The following CLDN4 variants were observed in gnomAD, a reference collection of about 807,000 sequenced individuals.
CLDN4 encodes claudin-4.
CLDN4 carries 12 observed loss-of-function variants against 13.7 expected under a neutral mutation model. The ratio of observed to expected loss-of-function variants is 0.88; its 90% CI spans 0.56 to 1.42. The LOEUF (loss-of-function observed/expected upper bound fraction) is 1.42, where lower values mean the gene tolerates loss of function less well. Ranked by LOEUF, CLDN4 falls within the 40% of genes most tolerant of loss-of-function variation. The pLI, the probability that CLDN4 is intolerant of heterozygous loss-of-function variation, is 0.00. For missense variants in CLDN4, 252 were observed against 297.4 expected, an observed-to-expected ratio of 0.85 and a Z score of 1.12; for synonymous variants, 152 against 140.6, an observed-to-expected ratio of 1.08 and a Z score of -0.57.
In CLDN4 at chr7:73,831,646, A is replaced by T. The variant is rs368820080; in HGVS notation, c.445A>T (p.Asn149Tyr). The T allele has an allele frequency of 1.2e-6, 2 of 1,614,108 alleles. No individual in the cohort carries two copies. The highest frequency in any genetic ancestry group is 1.7e-6 in the Non-Finnish European group (2 of 1,179,982). The change falls in exon 1 of 1, where the codon AAT (asparagine) becomes TAT (tyrosine). Residue 149 changes from asparagine (N) to tyrosine (Y), a missense_variant. Physicochemically the swap from Asn to Tyr is moderately radical, Grantham distance 143. Transcript: ENST00000340958. The stretch of plus-strand genomic sequence containing the variant: ...CCACAACATCATCCAAGACTTCTAC[A>T]ATCCGCTGGTGGCCTCCGGGCAGAA... ...TAHNIIQDFYNPLVASGQKRE... is the reference protein window; with the variant it reads ...TAHNIIQDFYYPLVASGQKRE...
At position 73,832,141 on chromosome 7, in the gene CLDN4, T is replaced by G; in HGVS notation, c.*310T>G. On this transcript the variant is annotated 3_prime_UTR_variant, in exon 1 of 1. Coordinates refer to ENST00000340958, the MANE Select transcript of CLDN4 (RefSeq NM_001305.5). ...TCTGCTGGCCAGGATAGCTTAACCC[T>G]GACTTTGGGATCTGCCTGCATCGGC... 2.7e-6 allele frequency: 1 copy of G among 373,826 alleles called. No individual in the cohort carries two copies. Among genetic ancestry groups the G allele is most frequent in the Admixed American group, 4.3e-5 (1 of 23,418 alleles). The allele number at this position is 373,826 out of a possible 1,614,324, so 23.2% of individuals were successfully genotyped here. A position where few individuals can be genotyped will look rare whatever the true frequency, so the allele number is the denominator to read the frequency against.
In CLDN4 at chr7:73,832,003, C is replaced by T. The variant is rs1788043673; in HGVS notation, c.*172C>T. 3.6e-6 allele frequency: 3 copies of T among 823,700 alleles called. No individual in the cohort carries two copies. The highest frequency in any genetic ancestry group is 5.9e-5 in the Admixed American group (2 of 33,860). 51.0% of individuals were successfully genotyped at this position (823,700 alleles called of 1,614,324 possible). On this transcript the variant is annotated 3_prime_UTR_variant, in exon 1 of 1. Coordinates refer to ENST00000340958, the MANE Select transcript of CLDN4 (RefSeq NM_001305.5). Reference sequence around the variant, plus strand: ...AGCAGCCTTCAGCCTCTCTGGCCCACTCGGACAACTTCCCAAGGCCGCCTC... The same window carrying T: ...AGCAGCCTTCAGCCTCTCTGGCCCATTCGGACAACTTCCCAAGGCCGCCTC...
Position 73,831,945 on chromosome 7 carries a change from G to C in CLDN4, c.*114G>C. ...CGGGCCACTGGCTGCTGGGGACTGG[G>C]GACTGGGCAGAGACTGAGCCAGGCA... is the stretch of plus-strand genomic sequence containing the variant. On this transcript the variant is annotated 3_prime_UTR_variant, in exon 1 of 1. Transcript: ENST00000340958. 3.6e-6 allele frequency: 5 copies of C among 1,401,112 alleles called. No individual in the cohort carries two copies. Among genetic ancestry groups the C allele is most frequent in the Non-Finnish European group, 4.8e-6 (5 of 1,033,310 alleles). The allele number at this position is 1,401,112 out of a possible 1,614,324, so 86.8% of individuals were successfully genotyped here. A position where few individuals can be genotyped will look rare whatever the true frequency, so the allele number is the denominator to read the frequency against.
In CLDN4 at chr7:73,831,806, C is replaced by G. The variant is rs139833538; in HGVS notation, c.605C>G (p.Ser202Cys). Residue 202 changes from serine to cysteine, a missense_variant, in exon 1 of 1, where the codon TCT (serine) becomes TGT (cysteine). Coordinates refer to ENST00000340958, the MANE Select transcript of CLDN4 (RefSeq NM_001305.5). ...TCCGCCAAGTATTCTGCTGCCCGCT[C>G]TGCTGCTGCCAGCAACTACGTGTAA... ...PYSAKYSAAR[S>C]AAASNYV 2 of 1,573,498 alleles carry G rather than the reference C, an allele frequency of 1.3e-6. No individual in the cohort carries two copies.
At position 73,831,422 on chromosome 7, in the gene CLDN4, C is replaced by T. The variant is rs782390551; in HGVS notation, c.221C>T (p.Pro74Leu). Residue 74 changes from proline to leucine, a missense_variant, in exon 1 of 1, where the codon CCG (proline) becomes CTG (leucine). Coordinates refer to ENST00000340958, the MANE Select transcript of CLDN4 (RefSeq NM_001305.5). Reference sequence around the variant, plus strand: ...GTGTACGACTCGCTGCTGGCACTGCCGCAGGACCTGCAGGCGGCCCGCGCC... The same window carrying T: ...GTGTACGACTCGCTGCTGGCACTGCTGCAGGACCTGCAGGCGGCCCGCGCC... The part of the protein sequence containing the change: ...CKVYDSLLAL[P>L]QDLQAARALV... 5.1e-5 allele frequency: 82 copies of T among 1,614,024 alleles called. No individual in the cohort carries two copies. The highest frequency in any genetic ancestry group is 1.6e-4 in the Middle Eastern group (1 of 6,082).
Position 73,831,253 on chromosome 7 carries a change from T to C in CLDN4, c.52T>C (p.Trp18Arg). The C allele has an allele frequency of 6.2e-7, 1 of 1,603,714 alleles. No individual in the cohort carries two copies. The highest frequency in any genetic ancestry group is 8.5e-7 in the Non-Finnish European group (1 of 1,173,114). The change falls in exon 1 of 1, where the codon TGG becomes CGG. Residue 18 changes from tryptophan to arginine, a missense_variant. By Grantham distance (101) the Trp-to-Arg change is moderately radical. Coordinates refer to ENST00000340958, the MANE Select transcript of CLDN4 (RefSeq NM_001305.5). ...VMGIALAVLG[W>R]LAVMLCCALP... ...GGGCATCGCGCTGGCCGTCCTGGGCTGGCTGGCCGTCATGCTGTGCTGCGC... is the reference window on the plus strand; with the variant it reads ...GGGCATCGCGCTGGCCGTCCTGGGCCGGCTGGCCGTCATGCTGTGCTGCGC...
Position 73,831,278 on chromosome 7 carries a change from C to G in CLDN4, c.77C>G (p.Ala26Gly). 1 of 1,612,686 alleles carries G rather than the reference C, an allele frequency of 6.2e-7. No individual in the cohort carries two copies. The highest frequency in any genetic ancestry group is 8.5e-7 in the Non-Finnish European group (1 of 1,179,344). Residue 26 changes from alanine (A) to glycine (G), a missense_variant, in exon 1 of 1, where the codon GCG (alanine) becomes GGG (glycine). Physicochemically the swap from Ala to Gly is moderately conservative, Grantham distance 60. Transcript: ENST00000340958. ...LGWLAVMLCC[A>G]LPMWRVTAFI... ...TGGCTGGCCGTCATGCTGTGCTGCG[C>G]GCTGCCCATGTGGCGCGTGACGGCC... is the stretch of plus-strand genomic sequence containing the variant.
Position 73,831,231 on chromosome 7 carries a change from C to T in CLDN4, c.30C>T (p.Gly10=), listed in dbSNP as rs781844389. The T allele has an allele frequency of 1.3e-6, 2 of 1,587,752 alleles. No individual in the cohort carries two copies. The highest frequency in any genetic ancestry group is 1.7e-6 in the Non-Finnish European group (2 of 1,164,506). The change falls in exon 1 of 1, where the codon GGC becomes GGT. Residue 10 remains glycine, a synonymous_variant. Coordinates refer to ENST00000340958, the MANE Select transcript of CLDN4 (RefSeq NM_001305.5). ...CCTCCATGGGGCTACAGGTAATGGG[C>T]ATCGCGCTGGCCGTCCTGGGCTGGC... is the stretch of plus-strand genomic sequence containing the variant. MASMGLQVM[G]IALAVLGWLA...
rs556788551 is a variant in CLDN4, at chr7:73,831,055, G to A, written c.-147G>A. 61 of 956,854 alleles carry A rather than the reference G, an allele frequency of 6.4e-5. No individual in the cohort carries two copies. The East Asian group carries it at 7.3e-4, about 11-fold the overall frequency. 59.3% of individuals were successfully genotyped at this position (956,854 alleles called of 1,614,324 possible). On this transcript the variant is annotated 5_prime_UTR_variant, in exon 1 of 1. Coordinates refer to ENST00000340958, the MANE Select transcript of CLDN4 (RefSeq NM_001305.5). ...GGTCTGCTCACACTTGCTGGCTTGC[G>A]CATCAGGACTGGCTTTATCTCCTGA...
In CLDN4 at chr7:73,831,693, C is replaced by T. The variant is rs782411325; in HGVS notation, c.492C>T (p.Leu164=). The T allele has an allele frequency of 6.2e-7, 1 of 1,614,118 alleles. No homozygotes were observed. The highest frequency in any genetic ancestry group is 8.5e-7 in the Non-Finnish European group (1 of 1,180,012). The change falls in exon 1 of 1, where the codon CTC becomes CTT. Residue 164 remains leucine (L), a synonymous_variant. Transcript: ENST00000340958. ...SGQKREMGAS[L]YVGWAASGLL... is the part of the protein sequence containing the mutation. The stretch of plus-strand genomic sequence containing the variant: ...AGAAGCGGGAGATGGGTGCCTCGCT[C>T]TACGTCGGCTGGGCCGCCTCCGGCC...
rs371517967 is a variant in CLDN4 at position 73,831,674 on chromosome 7, G to A, written c.473G>A (p.Arg158Gln). The A allele has an allele frequency of 8.1e-6, 13 of 1,614,034 alleles. No individual in the cohort carries two copies. The highest frequency in any genetic ancestry group is 3.3e-5 in the Admixed American group (2 of 60,014). ...YNPLVASGQKREMGASLYVGW... is the reference protein window; with the variant it reads ...YNPLVASGQKQEMGASLYVGW... ...CCGCTGGTGGCCTCCGGGCAGAAGC[G>A]GGAGATGGGTGCCTCGCTCTACGTC... is the stretch of plus-strand genomic sequence containing the variant. The change falls in exon 1 of 1, where the codon CGG becomes CAG. Residue 158 changes from arginine to glutamine, a missense_variant. Transcript: ENST00000340958.
chr7:73,832,051 C>A lies in CLDN4; in HGVS notation c.*220C>A. On this transcript the variant is annotated 3_prime_UTR_variant, in exon 1 of 1. Transcript: ENST00000340958. ...CTCCTGCTAGCAAGAACAGAGTCCACCCTCCTCTGGATATTGGGGAGGGAC... is the reference window on the plus strand; with the variant it reads ...CTCCTGCTAGCAAGAACAGAGTCCAACCTCCTCTGGATATTGGGGAGGGAC... 1.8e-6 allele frequency: 1 copy of A among 551,210 alleles called. No individual in the cohort carries two copies. Among genetic ancestry groups the A allele is most frequent in the Non-Finnish European group, 3.2e-6 (1 of 312,532 alleles). 34.1% of individuals were successfully genotyped at this position (551,210 alleles called of 1,614,324 possible). A position where few individuals can be genotyped will look rare whatever the true frequency, so the allele number is the denominator to read the frequency against.
In CLDN4 at chr7:73,831,710, C is replaced by A; in HGVS notation, c.509C>A (p.Ala170Asp). ...GCCTCGCTCTACGTCGGCTGGGCCG[C>A]CTCCGGCCTGCTGCTCCTTGGCGGG... The part of the protein sequence containing the change: ...MGASLYVGWA[A>D]SGLLLLGGGL... The change falls in exon 1 of 1, where the codon GCC becomes GAC. Residue 170 changes from alanine (A) to aspartate (D), a missense_variant. Transcript: ENST00000340958. 1.2e-6 allele frequency: 2 copies of A among 1,613,964 alleles called. No individual in the cohort carries two copies. The highest frequency in any genetic ancestry group is 1.7e-6 in the Non-Finnish European group (2 of 1,179,936).
Position 73,831,150 on chromosome 7 carries a change from C to G in CLDN4, c.-52C>G, listed in dbSNP as rs782155001. ...AGCGCTTGGAATCCTACGGCCCCCA[C>G]AGCCGGATCCCCTCAGCCTTCCAGG... On this transcript the variant is annotated 5_prime_UTR_variant, in exon 1 of 1. Coordinates refer to ENST00000340958, the MANE Select transcript of CLDN4 (RefSeq NM_001305.5). 2 of 1,511,660 alleles carry G rather than the reference C, an allele frequency of 1.3e-6. No individual in the cohort carries two copies. Among genetic ancestry groups the G allele is most frequent in the Non-Finnish European group, 1.8e-6 (2 of 1,134,268 alleles). The allele number at this position is 1,511,660 out of a possible 1,614,324, so 93.6% of individuals were successfully genotyped here. A position where few individuals can be genotyped will look rare whatever the true frequency, so the allele number is the denominator to read the frequency against.
At position 73,831,418 on chromosome 7, in the gene CLDN4, C is replaced by T; in HGVS notation, c.217C>T (p.Leu73=). ...CAAGGTGTACGACTCGCTGCTGGCACTGCCGCAGGACCTGCAGGCGGCCCG... is the reference window on the plus strand; with the variant it reads ...CAAGGTGTACGACTCGCTGCTGGCATTGCCGCAGGACCTGCAGGCGGCCCG... ...QCKVYDSLLA[L]PQDLQAARAL... The change falls in exon 1 of 1, where the codon CTG becomes TTG. Residue 73 remains leucine, a synonymous_variant. Transcript: ENST00000340958. 1.2e-6 allele frequency: 2 copies of T among 1,614,168 alleles called. No homozygotes were observed. Among genetic ancestry groups the T allele is most frequent in the Non-Finnish European group, 1.7e-6 (2 of 1,180,020 alleles).
In CLDN4 at chr7:73,831,566, G is replaced by C; in HGVS notation, c.365G>C (p.Gly122Ala). Residue 122 changes from glycine to alanine, a missense_variant, in exon 1 of 1, where the codon GGC becomes GCC. Gly to Ala is a moderately conservative substitution (Grantham distance 60, BLOSUM62 0). Coordinates refer to ENST00000340958, the MANE Select transcript of CLDN4 (RefSeq NM_001305.5). Reference sequence around the variant, plus strand: ...AAGGCCAAGACCATGATCGTGGCGGGCGTGGTGTTCCTGTTGGCCGGCCTT... The same window carrying C: ...AAGGCCAAGACCATGATCGTGGCGGCCGTGGTGTTCCTGTTGGCCGGCCTT... Reference protein sequence around the residue: ...SAKAKTMIVAGVVFLLAGLMV... With the variant: ...SAKAKTMIVAAVVFLLAGLMV... 1 of 1,614,180 alleles carries C rather than the reference G, an allele frequency of 6.2e-7. No individual in the cohort carries two copies. The highest frequency in any genetic ancestry group is 2.2e-5 in the East Asian group (1 of 44,882).
Position 73,832,198 on chromosome 7 carries a change from A to G in CLDN4, c.*367A>G, listed in dbSNP as rs1788048362. 4.2e-6 allele frequency: 1 copy of G among 240,962 alleles called. No individual in the cohort carries two copies. Among genetic ancestry groups the G allele is most frequent in the African/African-American group, 2.3e-5 (1 of 44,012 alleles). 14.9% of individuals were successfully genotyped at this position (240,962 alleles called of 1,614,324 possible). A position where few individuals can be genotyped will look rare whatever the true frequency, so the allele number is the denominator to read the frequency against. Reference sequence around the variant, plus strand: ...CACTGTCCCCATTTACATTTTCCCCACTCTGTCTGCCTGCATCTCCTCTGT... The same window carrying G: ...CACTGTCCCCATTTACATTTTCCCCGCTCTGTCTGCCTGCATCTCCTCTGT... On this transcript the variant is annotated 3_prime_UTR_variant, in exon 1 of 1. Transcript: ENST00000340958.
rs782372522 is a variant in CLDN4 at position 73,831,501 on chromosome 7, G to C, written c.300G>C (p.Val100=). The change falls in exon 1 of 1, where the codon GTG becomes GTC. Residue 100 remains valine, a synonymous_variant. Transcript: ENST00000340958. ...VAALGVLLSV[V]GGKCTNCLED... ...CTCTGGGCGTGCTGCTGTCCGTGGT[G>C]GGGGGCAAGTGTACCAACTGCCTGG... 86 of 1,614,048 alleles carry C rather than the reference G, an allele frequency of 5.3e-5. No homozygotes were observed. The highest frequency in any genetic ancestry group is 6.9e-5 in the Non-Finnish European group (81 of 1,180,028).
Position 73,831,240 on chromosome 7 carries a change from G to A in CLDN4, c.39G>A (p.Leu13=), listed in dbSNP as rs1406958707. The A allele has an allele frequency of 6.3e-7, 1 of 1,596,022 alleles. No homozygotes were observed. The part of the protein sequence containing the change: ...SMGLQVMGIA[L]AVLGWLAVML... ...GGCTACAGGTAATGGGCATCGCGCT[G>A]GCCGTCCTGGGCTGGCTGGCCGTCA... Residue 13 remains leucine, a synonymous_variant, in exon 1 of 1, where the codon CTG becomes CTA. Coordinates refer to ENST00000340958, the MANE Select transcript of CLDN4 (RefSeq NM_001305.5).
Sources: allele counts gnomAD v4.1 joint callset, GRCh38; gene constraint gnomAD v4.1.1; transcripts MANE v1.5; gene names NCBI Gene and HGNC (gene_info 2026-07-23, HGNC 2026-07-21).